PLD1: variants seen among roughly 807,000 people sequenced by gnomAD.
PLD1 encodes phospholipase D1.
PLD1 carries 112 observed loss-of-function variants against 137.1 expected under a neutral mutation model. That is an observed-to-expected ratio of 0.82 (90% confidence interval 0.70 to 0.96). PLD1 has a LOEUF of 0.96. Among genes scored for constraint, PLD1 ranks in the 40% least tolerant of loss-of-function variants. The pLI, the probability that PLD1 is intolerant of heterozygous loss-of-function variation, is 0.00. For synonymous variants in PLD1, 431 were observed against 454.7 expected, an observed-to-expected ratio of 0.95 and a Z score of 0.66; for missense variants, 1,321 against 1,342.0, an observed-to-expected ratio of 0.98 and a Z score of 0.24.
chr3:171,683,320 C>CCTA, intron 16 of PLD1, among the ~76,000 whole-genome samples: 1 of 152,190 alleles, frequency 6.6e-6, no homozygotes. Flanking sequence ...GCCTACCCTT[C>CCTA]GCTCAAGACC....
intron 1 of PLD1, among the ~76,000 whole-genome samples, chr3:171,744,286 A>G (rs1719980145): frequency 6.6e-6 from 1 of 152,170 alleles, no homozygotes; most frequent in Non-Finnish European, 1.5e-5. Context: ...CCCAAAAGCC[A>G]TGCACCTGCT....
Position 171,709,972 on chromosome 3 carries a change from G to T in PLD1, c.912-263C>A, listed in dbSNP as rs1335377243. On this transcript the variant is annotated intron_variant, in intron 9 of 26. Transcript: ENST00000351298. ...CCTAGAGCTGTGTGCTAGGCCATGA[G>T]GAGGATAAAGAAAGAGGGGTAAGGT... is the stretch of plus-strand genomic sequence containing the variant. Among the ~76,000 whole-genome samples the T allele has an allele frequency of 2.5e-4, 38 of 152,192 alleles. 1 individual carries two copies.
intron 1 of PLD1, among the ~76,000 whole-genome samples, chr3:171,741,307 C>T (rs962464448): frequency 2.0e-5 from 3 of 152,192 alleles, no homozygotes; most frequent in African/African-American, 7.2e-5. Flanking sequence ...TCTACCTTTA[C>T]TTATGTCCAT....
intron 23 of PLD1, among the ~76,000 whole-genome samples, chr3:171,638,382 T>C (rs1560168636): frequency 6.6e-6 from 1 of 152,130 alleles, no homozygotes; most frequent in Non-Finnish European, 1.5e-5. Context: ...TACCATGCCA[T>C]GGGTATGACT....
intron 8 of PLD1, among the ~76,000 whole-genome samples, chr3:171,723,054 T>C (rs1157931807): frequency 6.6e-6 from 1 of 152,210 alleles, no homozygotes; most frequent in Non-Finnish European, 1.5e-5. Context: ...AAATTAGTAT[T>C]GACTATAGTC....
chr3:171,650,822 C>T (rs993087054), intron 21 of PLD1, among the ~76,000 whole-genome samples: 6 of 151,838 alleles, frequency 4.0e-5, no homozygotes, highest in Admixed American at 6.6e-5. Flanking sequence ...GGCGTGAACC[C>T]GGGAGGCGGA....
chr3:171,788,193 C>CA (rs1282515100), intron 1 of PLD1, among the ~76,000 whole-genome samples: 57 of 115,576 alleles, frequency 4.9e-4, no homozygotes, highest in East Asian at 1.0e-3. Context: ...AAATCCATCT[C>CA]AAAAAAAAAA....
intron 16 of PLD1, among the ~76,000 whole-genome samples, chr3:171,682,999 T>A (rs1242818164): frequency 6.6e-6 from 1 of 152,198 alleles, no homozygotes; most frequent in African/African-American, 2.4e-5. Context: ...TCACGCTCCA[T>A]CTTCCTAACA....
intron 26 of PLD1, among the ~76,000 whole-genome samples, 157 bp from the exon 27 acceptor site, chr3:171,603,459 T>C (rs1731972558): frequency 6.6e-6 from 1 of 152,222 alleles, no homozygotes; most frequent in Admixed American, 6.5e-5. Flanking sequence ...GTTGGTTATC[T>C]TATAACCAAC....
intron 1 of PLD1, among the ~76,000 whole-genome samples, chr3:171,783,500 A>G (rs1171675124): frequency 6.6e-6 from 1 of 152,196 alleles, no homozygotes; most frequent in African/African-American, 2.4e-5. Flanking sequence ...GAGTGGACGT[A>G]AAAGTGTTGA....
chr3:171,774,489 T>A (rs753557935), intron 1 of PLD1, among the ~76,000 whole-genome samples: 9 of 152,102 alleles, frequency 5.9e-5, no homozygotes, highest in Non-Finnish European at 1.0e-4. Context: ...TCCTCTTATG[T>A]CACATCATGG....
At position 171,733,429 on chromosome 3, in the gene PLD1, C is replaced by T; in HGVS notation, c.606+15G>A. The T allele has an allele frequency of 9.8e-7, 1 of 1,015,608 alleles. No individual in the cohort carries two copies. Among genetic ancestry groups the T allele is most frequent in the Non-Finnish European group, 1.5e-6 (1 of 662,792 alleles). 62.9% of individuals were successfully genotyped at this position (1,015,608 alleles called of 1,614,324 possible). On this transcript the variant is annotated intron_variant, in intron 6 of 26. Coordinates refer to ENST00000351298, the MANE Select transcript of PLD1 (RefSeq NM_002662.5). ...TGAAAATTACTCCAAACTTAAATCA[C>T]TGACTAGTACTTACTGTGGCATGAT...
rs774704143 is a variant in PLD1, at chr3:171,710,872, C to CTTT, written c.912-1166_912-1164dup. ...TTTCACTAATCATAGGAAAACTGTT[C>CTTT]TTTTTTTTTTTTTTTTTTTGAGACG... On this transcript the variant is annotated intron_variant, in intron 9 of 26. Transcript: ENST00000351298. Among the ~76,000 whole-genome samples the CTTT allele has an allele frequency of 7.3e-4, 72 of 98,560 alleles. 3 individuals are homozygous for CTTT. Among genetic ancestry groups the CTTT allele is most frequent in the African/African-American group, 1.2e-3 (26 of 21,372 alleles). The allele number at this position is 98,560 out of a possible 152,430, so 64.7% of individuals were successfully genotyped here.
intron 11 of PLD1, among the ~76,000 whole-genome samples, chr3:171,700,710 G>A (rs1304612069): frequency 6.6e-6 from 1 of 152,114 alleles, no homozygotes; most frequent in Non-Finnish European, 1.5e-5. Context: ...GGGAACCTGG[G>A]GCTTTCTGGA....
chr3:171,613,074 GCAGGAGGAT>G lies in PLD1; in HGVS notation c.2729-651_2729-643del, dbSNP rs200551769. On this transcript the variant is annotated intron_variant, in intron 24 of 26. Coordinates refer to ENST00000351298, the MANE Select transcript of PLD1 (RefSeq NM_002662.5). ...AGTCCCAGCTGCTCGGAATGCTGAG[GCAGGAGGAT>G]CGCCTGAGCCTAGGATTTCAAATTT... is the stretch of plus-strand genomic sequence containing the variant. 6.8e-3 allele frequency among the ~76,000 whole-genome samples: 1,039 copies of G among 152,264 alleles called. 11 individuals carry two copies. The highest frequency in any genetic ancestry group is 0.02 in the African/African-American group (820 of 41,538).
chr3:171,616,865 C>T (rs1338037536), intron 24 of PLD1, among the ~76,000 whole-genome samples: 2 of 152,138 alleles, frequency 1.3e-5, no homozygotes, highest in Admixed American at 1.3e-4. Flanking sequence ...TTTGTTACAG[C>T]AGTAATGGGA....
At chr3:171,735,421 C>T in intron 4 of PLD1, 71 bp downstream of exon 4, 1 of 1,295,988 alleles carries the variant, frequency 7.7e-7, no homozygotes, top group Non-Finnish European at 1.1e-6. Context: ...CAGGTGTGAG[C>T]TACCACACCC....
At chr3:171,681,542 A>G (rs1713971629) in intron 16 of PLD1, among the ~76,000 whole-genome samples, 2 of 152,232 alleles carry the variant, frequency 1.3e-5, no homozygotes. Context: ...GAATTTCTAC[A>G]TATGTTCAAG....
intron 23 of PLD1, among the ~76,000 whole-genome samples, chr3:171,635,837 AGCCATTG>A (rs1735053660): frequency 6.6e-6 from 1 of 152,052 alleles, no homozygotes; most frequent in Non-Finnish European, 1.5e-5. Flanking sequence ...AAATCCAAGA[AGCCATTG>A]TCACAATGAT....
Sources: allele counts gnomAD v4.1 joint callset (sites outside exome capture counted in the v4.1 genomes callset), GRCh38; gene constraint gnomAD v4.1.1; transcripts MANE v1.5; gene names NCBI Gene and HGNC (gene_info 2026-07-23, HGNC 2026-07-21).